Variants in RASA1 observed in about 807,000 individuals in gnomAD.
RASA1 encodes the protein RAS p21 protein activator 1, also known as ras GTPase-activating protein 1.
A neutral mutation model predicts 132.2 loss-of-function variants in RASA1; 25 were observed. That is an observed-to-expected ratio of 0.19 (90% confidence interval 0.14 to 0.26). The LOEUF (loss-of-function observed/expected upper bound fraction) is 0.26. Ranked by LOEUF, RASA1 falls within the 10% of genes least tolerant of loss-of-function variation. RASA1 has a pLI of 1.00. For synonymous variants in RASA1, 477 were observed against 449.9 expected, an observed-to-expected ratio of 1.06 and a Z score of -0.76; for missense variants, 964 against 1,299.2, an observed-to-expected ratio of 0.74 and a Z score of 3.97.
intron 4 of RASA1, among the ~76,000 whole-genome samples, chr5:87,335,378 T>C (rs1757888523): frequency 6.6e-6 from 1 of 151,366 alleles, no homozygotes; most frequent in South Asian, 2.1e-4. Flanking sequence ...TCTGAAATAA[T>C]GACTTTTCTG....
chr5:87,391,372 T>C lies in RASA1; in HGVS notation c.*489T>C. 1 of 263,824 alleles carries C rather than the reference T, an allele frequency of 3.8e-6. No individual in the cohort carries two copies. Among genetic ancestry groups the C allele is most frequent in the East Asian group, 5.3e-5 (1 of 18,736 alleles). The allele number at this position is 263,824 out of a possible 1,614,324, so 16.3% of individuals were successfully genotyped here. A position where few individuals can be genotyped will look rare whatever the true frequency, so the allele number is the denominator to read the frequency against. Reference sequence around the variant, plus strand: ...TGACCATTTGACTGTTCAATGATTATTTGTATTTACAGTTTCCAGAGTTTG... The same window carrying C: ...TGACCATTTGACTGTTCAATGATTACTTGTATTTACAGTTTCCAGAGTTTG... On this transcript the variant is annotated 3_prime_UTR_variant, in exon 25 of 25. Coordinates refer to ENST00000274376, the MANE Select transcript of RASA1 (RefSeq NM_002890.3).
At chr5:87,321,211 G>T (rs1206580431) in intron 1 of RASA1, among the ~76,000 whole-genome samples, 1 of 152,140 alleles carries the variant, frequency 6.6e-6, no homozygotes, top group African/African-American at 2.4e-5. Flanking sequence ...AGGAAGATAA[G>T]AAGTGTTTAG....
In RASA1 at chr5:87,332,218, G is replaced by A. The variant is rs890299171; in HGVS notation, c.693-289G>A. ...GTTAATTCAGCCTTAAATATGGAAA[G>A]TGAGAAGAGGTATCTGAGGGTGAGT... is the stretch of plus-strand genomic sequence containing the variant. On this transcript the variant is annotated intron_variant, in intron 2 of 24. Transcript: ENST00000274376. 5.3e-5 allele frequency among the ~76,000 whole-genome samples: 8 copies of A among 151,748 alleles called. No individual in the cohort carries two copies. In the South Asian group the frequency reaches 8.3e-4, roughly 16 times the overall value.
At chr5:87,278,986 G>A (rs1299594476) in intron 1 of RASA1, among the ~76,000 whole-genome samples, 6 of 126,552 alleles carry the variant, frequency 4.7e-5, no homozygotes, top group Non-Finnish European at 9.3e-5. Flanking sequence ...GCTCATTCCT[G>A]TAATCTCAGC....
chr5:87,294,352 A>G (rs1401452790), intron 1 of RASA1: 1 of 152,144 alleles, frequency 6.6e-6, no homozygotes, highest in Non-Finnish European at 1.5e-5. Flanking sequence ...GTTGATACCA[A>G]ACTAATCGTG....
intron 1 of RASA1, among the ~76,000 whole-genome samples, chr5:87,317,603 T>C (rs1389505529): frequency 1.3e-5 from 2 of 152,150 alleles, no homozygotes; most frequent in African/African-American, 4.8e-5. Context: ...AAGATGACCT[T>C]TTTCCCTAAT....
At position 87,268,450 on chromosome 5, in the gene RASA1, A is replaced by G. The variant is rs1344312421; in HGVS notation, c.-2A>G. Reference sequence around the variant, plus strand: ...GTAGGGCAGAGTAGAGCGGGCTTCAACATGATGGCGGCCGAGGCCGGCAGT... The same window carrying G: ...GTAGGGCAGAGTAGAGCGGGCTTCAGCATGATGGCGGCCGAGGCCGGCAGT... On this transcript the variant is annotated 5_prime_UTR_variant, in exon 1 of 25. Transcript: ENST00000274376. 1.3e-6 allele frequency: 2 copies of G among 1,545,130 alleles called. No homozygotes were observed. Among genetic ancestry groups the G allele is most frequent in the Non-Finnish European group, 1.7e-6 (2 of 1,144,794 alleles).
At chr5:87,351,942 T>C (rs1365199351) in intron 8 of RASA1, among the ~76,000 whole-genome samples, 1 of 151,832 alleles carries the variant, frequency 6.6e-6, no homozygotes, top group Non-Finnish European at 1.5e-5. Flanking sequence ...ACCTTTGATG[T>C]TTACTGATTT....
chr5:87,301,476 T>C (rs1276621994), intron 1 of RASA1, among the ~76,000 whole-genome samples: 1 of 152,176 alleles, frequency 6.6e-6, no homozygotes, highest in Non-Finnish European at 1.5e-5. Flanking sequence ...AGATGTCTTT[T>C]TGTGCCTACT....
intron 16 of RASA1, 120 bp downstream of exon 16, chr5:87,376,685 G>A (rs1347900826): frequency 2.3e-6 from 3 of 1,332,264 alleles, no homozygotes; most frequent in Non-Finnish European, 2.1e-6. Flanking sequence ...TGATGCCAGA[G>A]ATTTTAAACC....
chr5:87,294,071 A>C (rs956962620), intron 1 of RASA1: 7 of 151,654 alleles, frequency 4.6e-5, no homozygotes, highest in African/African-American at 1.7e-4. Context: ...AATTCCATTG[A>C]TTTTTGCTGT....
chr5:87,278,117 G>C (rs550090775), intron 1 of RASA1, among the ~76,000 whole-genome samples: 1 of 151,848 alleles, frequency 6.6e-6, no homozygotes, highest in Non-Finnish European at 1.5e-5. Flanking sequence ...TGCTAAACTG[G>C]GTTCATATTA....
At chr5:87,286,308 C>A (rs1046592719) in intron 1 of RASA1, among the ~76,000 whole-genome samples, 1 of 151,952 alleles carries the variant, frequency 6.6e-6, no homozygotes, top group Non-Finnish European at 1.5e-5. Context: ...CTTTGATTCA[C>A]ACCCTCATTT....
intron 1 of RASA1, among the ~76,000 whole-genome samples, chr5:87,308,007 T>C (rs888384073): frequency 6.6e-6 from 1 of 152,198 alleles, no homozygotes; most frequent in Non-Finnish European, 1.5e-5. Flanking sequence ...ATGCAGTCTT[T>C]CCTTAGCTTC....
intron 8 of RASA1, among the ~76,000 whole-genome samples, chr5:87,350,520 C>T (rs549369179): frequency 2.2e-4 from 34 of 151,192 alleles, no homozygotes; most frequent in African/African-American, 6.8e-4. Context: ...TTTTGAAGTT[C>T]GTTTTGTTAC....
At chr5:87,364,691 T>G (rs919989390) in intron 11 of RASA1, among the ~76,000 whole-genome samples, 3 of 152,084 alleles carry the variant, frequency 2.0e-5, no homozygotes, top group Non-Finnish European at 4.4e-5. Flanking sequence ...TCTGCACCCT[T>G]CTTGTGGGTT....
intron 11 of RASA1, among the ~76,000 whole-genome samples, chr5:87,363,829 C>T (rs1007018171): frequency 6.6e-6 from 1 of 151,876 alleles, no homozygotes; most frequent in African/African-American, 2.4e-5. Flanking sequence ...CTCAGTGTAC[C>T]CAAGAGTACT....
In RASA1 at chr5:87,296,543, A is replaced by G. The variant is rs553232961; in HGVS notation, c.539+27553A>G. ...TTTTTGTTTGTCTGAGAATGTCTTT[A>G]TGTTTCTTTCACTCTAGAAGGATAG... On this transcript the variant is annotated intron_variant, in intron 1 of 24. Coordinates refer to ENST00000274376, the MANE Select transcript of RASA1 (RefSeq NM_002890.3). 4.6e-5 allele frequency among the ~76,000 whole-genome samples: 7 copies of G among 152,182 alleles called. No individual in the cohort carries two copies. The East Asian group carries it at 1.4e-3, about 29-fold the overall frequency.
At chr5:87,373,460 C>T (rs1761097427) in intron 13 of RASA1, among the ~76,000 whole-genome samples, 1 of 152,020 alleles carries the variant, frequency 6.6e-6, no homozygotes, top group South Asian at 2.1e-4. Flanking sequence ...TGGAATCAGT[C>T]CCCCACAGAT....
Sources: allele counts gnomAD v4.1 joint callset (sites outside exome capture counted in the v4.1 genomes callset), GRCh38; gene constraint gnomAD v4.1.1; transcripts MANE v1.5; gene names NCBI Gene and HGNC (gene_info 2026-07-23, HGNC 2026-07-21).